Variants in NAALADL2 observed in about 807,000 individuals in gnomAD.
The protein encoded by NAALADL2 is inactive N-acetylated-alpha-linked acidic dipeptidase-like protein 2.
Under a neutral mutation model 87.2 loss-of-function variants are expected in NAALADL2, and 76 were observed. The ratio of observed to expected loss-of-function variants is 0.87; its 90% CI spans 0.72 to 1.05. The LOEUF is 1.05. Ranked by LOEUF, NAALADL2 falls within the 50% of genes least tolerant of loss-of-function variation. The pLI is 0.00. For synonymous variants in NAALADL2, 354 were observed against 331.0 expected (o/e 1.07, Z -0.75); for missense variants, 1,089 against 945.8 (o/e 1.15, Z -1.99).
intron 1 of NAALADL2, chr3:174,863,856 G>A (rs550689692): frequency 1.3e-5 from 4 of 306,260 alleles, no homozygotes; most frequent in Admixed American, 9.2e-5. Flanking sequence ...GAAGTGCAAG[G>A]AGCTCCTGTT....
At chr3:174,506,217 A>G (rs1025389058) in intron 1 of NAALADL2, among the ~76,000 whole-genome samples, 3 of 144,232 alleles carry the variant, frequency 2.1e-5, no homozygotes, top group African/African-American at 5.2e-5. Flanking sequence ...GTCTCATTCT[A>G]TTTCCCAGGC....
chr3:175,072,839 A>G (rs1233201622), intron 1 of NAALADL2, among the ~76,000 whole-genome samples: 1 of 152,014 alleles, frequency 6.6e-6, no homozygotes, highest in Non-Finnish European at 1.5e-5. Context: ...AAAGTATAGC[A>G]ATAAAAGAAA....
At chr3:175,342,017 A>G (rs1762614321) in intron 5 of NAALADL2, among the ~76,000 whole-genome samples, 1 of 152,086 alleles carries the variant, frequency 6.6e-6, no homozygotes. Flanking sequence ...ATTTCTATTC[A>G]TATTGATCTA....
chr3:174,763,609 A>C (rs991045271), intron 3 of NAALADL2, among the ~76,000 whole-genome samples: 2 of 149,794 alleles, frequency 1.3e-5, no homozygotes, highest in Non-Finnish European at 3.0e-5. Context: ...AAAGACTAAA[A>C]TGTTGAAGTA....
At chr3:175,494,030 C>T (rs1024624780) in intron 9 of NAALADL2, among the ~76,000 whole-genome samples, 3 of 151,982 alleles carry the variant, frequency 2.0e-5, no homozygotes, top group African/African-American at 7.2e-5. Flanking sequence ...ATATTACATA[C>T]TTCTTGTATA....
At chr3:175,267,624 T>C (rs1162944570) in intron 4 of NAALADL2, among the ~76,000 whole-genome samples, 1 of 152,068 alleles carries the variant, frequency 6.6e-6, no homozygotes, top group Non-Finnish European at 1.5e-5. Context: ...GGTGAGAATA[T>C]AATATCTGGG....
intron 3 of NAALADL2, among the ~76,000 whole-genome samples, chr3:174,794,054 A>G (rs780090388): frequency 6.6e-6 from 1 of 152,096 alleles, no homozygotes; most frequent in Non-Finnish European, 1.5e-5. Context: ...GAGCAACTGG[A>G]GAGAATGTGA....
chr3:175,056,469 C>T (rs1712197112), intron 1 of NAALADL2, among the ~76,000 whole-genome samples: 1 of 152,138 alleles, frequency 6.6e-6, no homozygotes, highest in East Asian at 1.9e-4. Context: ...TCCGGTGACC[C>T]TTCAACCTGG....
chr3:174,909,854 A>G (rs1733465559), intron 1 of NAALADL2, among the ~76,000 whole-genome samples: 1 of 152,154 alleles, frequency 6.6e-6, no homozygotes, highest in African/African-American at 2.4e-5. Context: ...GATTTCCTTT[A>G]GGATTCCCAG....
At chr3:174,653,846 C>T (rs150915712) in intron 2 of NAALADL2, among the ~76,000 whole-genome samples, 67 of 152,226 alleles carry the variant, frequency 4.4e-4, no homozygotes, top group Middle Eastern at 3.4e-3. Flanking sequence ...TTAAGGCCTA[C>T]GCATAAGGTC....
intron 11 of NAALADL2, among the ~76,000 whole-genome samples, chr3:175,641,869 A>G (rs1230762315): frequency 1.3e-5 from 2 of 152,240 alleles, no homozygotes; most frequent in South Asian, 4.1e-4. Context: ...CTTGTTTTTC[A>G]TGATTCAAAT....
chr3:174,635,057 A>G (rs951099425), intron 2 of NAALADL2, among the ~76,000 whole-genome samples: 53 of 152,214 alleles, frequency 3.5e-4, no homozygotes, highest in African/African-American at 1.3e-3. Flanking sequence ...AAATTGTTTT[A>G]TGGTACACAT....
chr3:175,466,176 A>C (rs1226962656), intron 7 of NAALADL2, among the ~76,000 whole-genome samples: 1 of 152,168 alleles, frequency 6.6e-6, no homozygotes, highest in Non-Finnish European at 1.5e-5. Context: ...AATGATATTC[A>C]ATGAAGAAAA....
intron 12 of NAALADL2, among the ~76,000 whole-genome samples, chr3:175,753,875 A>G (rs182284334): frequency 9.9e-5 from 15 of 152,214 alleles, no homozygotes; most frequent in Non-Finnish European, 1.5e-5. Context: ...TCTCAATATC[A>G]TCCTCTCAAA....
intron 3 of NAALADL2, among the ~76,000 whole-genome samples, chr3:174,787,600 T>TAC (rs1221329243): frequency 7.6e-4 from 52 of 68,448 alleles, no homozygotes; most frequent in African/African-American, 1.1e-3. Flanking sequence ...TATATATATA[T>TAC]ATATATATAT....
chr3:175,258,753 T>C (rs1206834945), intron 4 of NAALADL2, among the ~76,000 whole-genome samples: 2 of 152,056 alleles, frequency 1.3e-5, no homozygotes, highest in Non-Finnish European at 2.9e-5. Flanking sequence ...CCCTGCAATG[T>C]GGGGGACGTG....
At chr3:175,383,720 C>T (rs764301625) in intron 5 of NAALADL2, among the ~76,000 whole-genome samples, 7 of 151,984 alleles carry the variant, frequency 4.6e-5, no homozygotes, top group African/African-American at 7.2e-5. Context: ...TACAATTAAA[C>T]CAGAGAAGTT....
At chr3:175,072,688 C>CGGGGCGG (rs1417526210) in intron 1 of NAALADL2, among the ~76,000 whole-genome samples, 3 of 84,422 alleles carry the variant, frequency 3.6e-5, no homozygotes, top group African/African-American at 1.0e-4. Flanking sequence ...TATTGAAAAA[C>CGGGGCGG]GGGGTGGGGG....
At chr3:174,539,668 C>T (rs62287299) in intron 1 of NAALADL2, among the ~76,000 whole-genome samples, 27,652 of 151,908 alleles carry the variant, frequency 0.18, 2,691 homozygotes, top group Non-Finnish European at 0.21. Flanking sequence ...CTGAAAGGAC[C>T]GTCAATACTC....
Sources: allele counts gnomAD v4.1 joint callset (sites outside exome capture counted in the v4.1 genomes callset), GRCh38; gene constraint gnomAD v4.1.1; transcripts MANE v1.5; gene names NCBI Gene and HGNC (gene_info 2026-07-23, HGNC 2026-07-21).